Variants in TARS3 observed in about 807,000 individuals in gnomAD.
TARS3 encodes the protein threonyl-tRNA synthetase 3.
In TARS3, 94 loss-of-function variants were observed where a neutral mutation model predicts 103.5. The observed-to-expected ratio is 0.91, with a 90% CI of 0.77 to 1.08. TARS3 has a LOEUF of 1.08. Among genes scored for constraint, TARS3 ranks in the 50% least tolerant of loss-of-function variants. The probability of loss-of-function intolerance (pLI) is 0.00; values close to 1 mark genes in which losing one functional copy is unlikely to be tolerated. For synonymous variants in TARS3, 416 were observed against 355.4 expected (o/e 1.17, Z -1.92); for missense variants, 952 against 995.2 (o/e 0.96, Z 0.58).
chr15:101,720,853 C>A (rs145724587), intron 3 of TARS3, among the ~76,000 whole-genome samples: 1 of 152,158 alleles, frequency 6.6e-6, no homozygotes, highest in Admixed American at 6.5e-5. Context: ...GTTTTCCCCC[C>A]ACTTTGCTCT....
chr15:101,668,661 C>A (rs554151670), intron 15 of TARS3, among the ~76,000 whole-genome samples: 38 of 152,234 alleles, frequency 2.5e-4, no homozygotes, highest in African/African-American at 8.9e-4. Flanking sequence ...AAGTGCTATA[C>A]AGTGTGAAGC....
At chr15:101,710,658 G>A (rs1235972979) in intron 5 of TARS3, among the ~76,000 whole-genome samples, 1 of 152,232 alleles carries the variant, frequency 6.6e-6, no homozygotes, top group Non-Finnish European at 1.5e-5. Flanking sequence ...GTGAGTAATA[G>A]TGGTTCAGAT....
chr15:101,713,277 G>C (rs1011139492), intron 4 of TARS3, among the ~76,000 whole-genome samples: 1 of 152,196 alleles, frequency 6.6e-6, no homozygotes, highest in Non-Finnish European at 1.5e-5. Flanking sequence ...CTAACACGTA[G>C]GGGATGTGAC....
chr15:101,676,158 A>G (rs1228171457), intron 12 of TARS3, among the ~76,000 whole-genome samples: 1 of 152,224 alleles, frequency 6.6e-6, no homozygotes, highest in Non-Finnish European at 1.5e-5. Flanking sequence ...GCTGAAGGGC[A>G]GAGGGGCAGT....
chr15:101,685,936 C>G lies in TARS3; in HGVS notation c.1447G>C (p.Asp483His), dbSNP rs1382993168. 6.2e-7 allele frequency: 1 copy of G among 1,613,890 alleles called. No individual in the cohort carries two copies. Among genetic ancestry groups the G allele is most frequent in the Non-Finnish European group, 8.5e-7 (1 of 1,179,894 alleles). ...ENMFTFEIEK[D>H]TFALKPMNCP... is the part of the protein sequence containing the mutation. ...TTCATGGGTTTGAGGGCAAAAGTGT[C>G]CTTTTCAATCTCAAAGGTAAACATG... is the stretch of plus-strand genomic sequence containing the variant. Residue 483 changes from aspartate (D) to histidine (H), a missense_variant, in exon 11 of 19, where the codon GAC (aspartate) becomes CAC (histidine). This residue lies in a region of TARS3 where 540 missense variants were observed against 631.0 expected (regional missense o/e 0.86). Coordinates refer to ENST00000335968, the MANE Select transcript of TARS3 (RefSeq NM_152334.3).
At chr15:101,678,093 GC>G (rs1268539403) in intron 12 of TARS3, among the ~76,000 whole-genome samples, 2 of 148,532 alleles carry the variant, frequency 1.3e-5, no homozygotes, top group African/African-American at 5.0e-5. Flanking sequence ...CGATTCTCTT[GC>G]CTCAGCATCC....
Position 101,724,291 on chromosome 15 carries a change from TCAGG to T in TARS3, c.93_96del (p.Leu32GlyfsTer5). ...TAGGGCGCGTTCAGCTGCTCGTCCC[TCAGG>T]CGCTCGACCTCCGACCACAGCCAGC... is the stretch of plus-strand genomic sequence containing the variant. On this transcript the variant is annotated frameshift_variant, in exon 1 of 19. Transcript: ENST00000335968. LOFTEE classifies it high-confidence loss of function. The T allele has an allele frequency of 6.4e-7, 1 of 1,573,880 alleles. No individual in the cohort carries two copies. Among genetic ancestry groups the T allele is most frequent in the Non-Finnish European group, 8.6e-7 (1 of 1,166,436 alleles).
intron 10 of TARS3, among the ~76,000 whole-genome samples, chr15:101,698,891 G>A (rs1218126190): frequency 6.6e-6 from 1 of 152,164 alleles, no homozygotes; most frequent in African/African-American, 2.4e-5. Context: ...GTCCTTTGGG[G>A]CTGAAAAGAC....
At chr15:101,681,458 G>A (rs993960348) in intron 12 of TARS3, among the ~76,000 whole-genome samples, 1 of 152,180 alleles carries the variant, frequency 6.6e-6, no homozygotes, top group African/African-American at 2.4e-5. Context: ...TCTCAGCAAT[G>A]TTTTAAAGTT....
intron 15 of TARS3, among the ~76,000 whole-genome samples, chr15:101,669,941 G>C (rs1002792215): frequency 6.6e-6 from 1 of 152,240 alleles, no homozygotes; most frequent in East Asian, 1.9e-4. Flanking sequence ...ATAGTGGCCT[G>C]TTCTTACATC....
At chr15:101,690,024 C>T (rs1332620070) in intron 10 of TARS3, among the ~76,000 whole-genome samples, 2 of 152,180 alleles carry the variant, frequency 1.3e-5, no homozygotes, top group Non-Finnish European at 2.9e-5. Flanking sequence ...GCCAATGGCA[C>T]GATTCAGATT....
intron 10 of TARS3, among the ~76,000 whole-genome samples, chr15:101,695,195 C>A (rs1303367234): frequency 2.6e-5 from 4 of 152,104 alleles, no homozygotes; most frequent in African/African-American, 4.8e-5. Context: ...TACAGTCATG[C>A]GACTTCTGCC....
rs1898458504 is a variant in TARS3, at chr15:101,685,998, CAG to C, written c.1383_1384del (p.Trp462GlyfsTer17). 6.2e-7 allele frequency: 1 copy of C among 1,613,934 alleles called. No homozygotes were observed. The highest frequency in any genetic ancestry group is 1.1e-5 in the South Asian group (1 of 91,068). ...ATGCTGCCAGTGGCCTGAGGCTTCCCAGAGTTTACTGTTGTACATATTGGGAG... is the reference window on the plus strand; with the variant it reads ...ATGCTGCCAGTGGCCTGAGGCTTCCCAGTTTACTGTTGTACATATTGGGAG... On this transcript the variant is annotated frameshift_variant, in exon 11 of 19. Coordinates refer to ENST00000335968, the MANE Select transcript of TARS3 (RefSeq NM_152334.3). LOFTEE classifies it high-confidence loss of function.
chr15:101,668,805 C>T (rs1262743095), intron 15 of TARS3, among the ~76,000 whole-genome samples: 1 of 152,058 alleles, frequency 6.6e-6, no homozygotes, highest in African/African-American at 2.4e-5. Context: ...TCCCATTATT[C>T]AGGTGTTTGT....
At position 101,721,151 on chromosome 15, in the gene TARS3, G is replaced by A; in HGVS notation, c.541C>T (p.Pro181Ser). 1 of 1,598,966 alleles carries A rather than the reference G, an allele frequency of 6.3e-7. No homozygotes were observed. The highest frequency in any genetic ancestry group is 1.7e-5 in the Admixed American group (1 of 59,830). The change falls in exon 3 of 19, where the codon CCT becomes TCT. Residue 181 changes from proline (P) to serine (S), a missense_variant. By Grantham distance (74) the Pro-to-Ser change is moderately conservative (BLOSUM62 -1). This residue lies in a region of TARS3 where 412 missense variants were observed against 364.2 expected (regional missense o/e 1.13). Coordinates refer to ENST00000335968, the MANE Select transcript of TARS3 (RefSeq NM_152334.3). ...CTAATTTCAGCAGCCACTTGGTAAGGCGTTGTTTTCCAGACTTCCCCTTGC... is the reference window on the plus strand; with the variant it reads ...CTAATTTCAGCAGCCACTTGGTAAGACGTTGTTTTCCAGACTTCCCCTTGC... ...TVQGEVWKTT[P>S]YQVAAEISQE...
At chr15:101,686,477 C>A (rs1447590843) in intron 10 of TARS3, among the ~76,000 whole-genome samples, 1 of 152,050 alleles carries the variant, frequency 6.6e-6, no homozygotes, top group African/African-American at 2.4e-5. Context: ...TAGTTTTAAA[C>A]AGAAATAAGA....
At chr15:101,709,791 C>A (rs1200401611) in intron 5 of TARS3, among the ~76,000 whole-genome samples, 1 of 152,256 alleles carries the variant, frequency 6.6e-6, no homozygotes, top group Non-Finnish European at 1.5e-5. Flanking sequence ...TGAACGAATA[C>A]TGGAGCCATG....
intron 5 of TARS3, 28 bp from the exon 6 acceptor site, chr15:101,708,938 C>A: frequency 7.0e-7 from 1 of 1,426,708 alleles, no homozygotes; most frequent in Non-Finnish European, 9.5e-7. Flanking sequence ...GAACCGACAT[C>A]CATCTTCCAG....
At chr15:101,679,846 G>C (rs1898185737) in intron 12 of TARS3, among the ~76,000 whole-genome samples, 1 of 152,206 alleles carries the variant, frequency 6.6e-6, no homozygotes, top group Non-Finnish European at 1.5e-5. Flanking sequence ...GCTCCTTTTA[G>C]AAAGGAAGTA....
Sources: gnomAD v4.1 joint callset for allele counts (sites outside exome capture counted in the v4.1 genomes callset) on GRCh38, gnomAD v4.1.1 for gene constraint, gnomAD v4.1.1 regional missense constraint, MANE v1.5 for transcripts, NCBI Gene and HGNC (gene_info 2026-07-23, HGNC 2026-07-21) for gene names.